RASA1: variants seen among roughly 807,000 people sequenced by gnomAD.
The protein encoded by RASA1 is RAS p21 protein activator 1.
A neutral mutation model predicts 132.2 loss-of-function variants in RASA1; 25 were observed. That is an observed-to-expected ratio of 0.19 (90% CI 0.14 to 0.26). RASA1 has a LOEUF of 0.26. Ranked by LOEUF, RASA1 falls within the 10% of genes least tolerant of loss-of-function variation. The pLI is 1.00. For synonymous variants in RASA1, 477 were observed against 449.9 expected (o/e 1.06, Z -0.76); for missense variants, 964 against 1,299.2 (o/e 0.74, Z 3.97).
intron 1 of RASA1, among the ~76,000 whole-genome samples, chr5:87,271,613 C>G: frequency 6.6e-6 from 1 of 151,076 alleles, no homozygotes; most frequent in East Asian, 2.0e-4. Flanking sequence ...CTCCTGAGTA[C>G]CTAGGATTAC....
intron 5 of RASA1, among the ~76,000 whole-genome samples, chr5:87,340,839 T>C (rs1758379198): frequency 6.6e-6 from 1 of 152,160 alleles, no homozygotes; most frequent in Non-Finnish European, 1.5e-5. Context: ...TAGGAAGTTA[T>C]GTGTGACCAT....
chr5:87,269,031 C>T (rs1348783248), intron 1 of RASA1, 41 bp downstream of exon 1: 1 of 1,614,156 alleles, frequency 6.2e-7, no homozygotes, highest in Non-Finnish European at 8.5e-7. Flanking sequence ...GAAGCTGGCT[C>T]CAGAAAAGAA....
At chr5:87,377,606 G>A (rs182135256) in intron 17 of RASA1, among the ~76,000 whole-genome samples, 12 of 152,168 alleles carry the variant, frequency 7.9e-5, no homozygotes, top group African/African-American at 1.4e-4. Flanking sequence ...CCAAAGTGCC[G>A]GGGTTACAGG....
intron 1 of RASA1, among the ~76,000 whole-genome samples, chr5:87,273,683 C>CT (rs756010419): frequency 1.3e-4 from 20 of 150,050 alleles, no homozygotes; most frequent in Admixed American, 6.0e-4. Flanking sequence ...ATAGAGATTT[C>CT]TTTTCTTTTT....
intron 12 of RASA1, 37 bp from the exon 13 acceptor site, chr5:87,372,080 TA>T: frequency 1.3e-6 from 2 of 1,554,630 alleles, no homozygotes; most frequent in South Asian, 2.3e-5. Flanking sequence ...CCAAATAAAC[TA>T]GTGTATATTT....
chr5:87,308,504 A>G (rs1428132963), intron 1 of RASA1, among the ~76,000 whole-genome samples: 1 of 152,124 alleles, frequency 6.6e-6, no homozygotes, highest in Non-Finnish European at 1.5e-5. Flanking sequence ...GACAAGTATT[A>G]TAACTATTAT....
intron 1 of RASA1, among the ~76,000 whole-genome samples, chr5:87,273,387 CAG>C (rs1464957038): frequency 6.6e-6 from 1 of 152,108 alleles, no homozygotes; most frequent in Non-Finnish European, 1.5e-5. Flanking sequence ...AAACTGTTAA[CAG>C]ATTTCTTTTT....
intron 9 of RASA1, among the ~76,000 whole-genome samples, chr5:87,353,969 G>C (rs1365711088): frequency 6.6e-6 from 1 of 152,166 alleles, no homozygotes. Context: ...ATTTTCCTAA[G>C]TGGAAAATGG....
At chr5:87,340,004 ACT>A (rs1401028803) in intron 5 of RASA1, among the ~76,000 whole-genome samples, 2 of 152,078 alleles carry the variant, frequency 1.3e-5, no homozygotes, top group Non-Finnish European at 2.9e-5. Flanking sequence ...TCATGTATTA[ACT>A]CTAGAATGTA....
intron 9 of RASA1, among the ~76,000 whole-genome samples, chr5:87,354,011 A>C (rs144599477): frequency 4.5e-4 from 69 of 152,234 alleles, no homozygotes; most frequent in African/African-American, 1.6e-3. Flanking sequence ...ATAAAGGATT[A>C]TTAAGGGTTT....
chr5:87,390,790 C>G lies in RASA1; in HGVS notation c.3061-10C>G. ...TTCATTTATTTTCATACCATTTTTC[C>G]TCTGTCTAGCACGTATTGAAAAAGC... is the stretch of plus-strand genomic sequence containing the variant. On this transcript the variant is annotated splice_polypyrimidine_tract_variant and intron_variant, in intron 24 of 24. Transcript: ENST00000274376. 1 of 1,604,336 alleles carries G rather than the reference C, an allele frequency of 6.2e-7. No homozygotes were observed. Among genetic ancestry groups the G allele is most frequent in the South Asian group, 1.1e-5 (1 of 90,842 alleles).
At position 87,287,393 on chromosome 5, in the gene RASA1, T is replaced by TAC. The variant is rs979946325; in HGVS notation, c.539+18404_539+18405dup. Among the ~76,000 whole-genome samples, 4 of 144,576 alleles carry TAC rather than the reference T, an allele frequency of 2.8e-5. No homozygotes were observed. The East Asian group carries it at 8.2e-4, about 30-fold the overall frequency. The allele number at this position is 144,576 out of a possible 152,430, so 94.8% of individuals were successfully genotyped here. On this transcript the variant is annotated intron_variant, in intron 1 of 24. Coordinates refer to ENST00000274376, the MANE Select transcript of RASA1 (RefSeq NM_002890.3). The stretch of plus-strand genomic sequence containing the variant: ...ACCATATATACACACACCATATATA[T>TAC]ACCATATATACACACCATATATACA...
At chr5:87,331,735 G>C (rs1419841302) in intron 2 of RASA1, among the ~76,000 whole-genome samples, 1 of 152,102 alleles carries the variant, frequency 6.6e-6, no homozygotes, top group Non-Finnish European at 1.5e-5. Flanking sequence ...TATATTTATA[G>C]TTTTTAAAGT....
At chr5:87,294,275 G>C (rs1244564808) in intron 1 of RASA1, 4 of 152,204 alleles carry the variant, frequency 2.6e-5, no homozygotes, top group Non-Finnish European at 5.9e-5. Flanking sequence ...GTTTTGACCT[G>C]CTCTGTTTCC....
chr5:87,296,682 G>A (rs1431932328), intron 1 of RASA1, among the ~76,000 whole-genome samples: 2 of 151,972 alleles, frequency 1.3e-5, no homozygotes, highest in African/African-American at 2.4e-5. Flanking sequence ...TCTTCTGTAG[G>A]CAAGGTGTTT....
At chr5:87,333,227 A>C in intron 3 of RASA1, 40 bp from the exon 4 acceptor site, 1 of 1,606,316 alleles carries the variant, frequency 6.2e-7, no homozygotes, top group Non-Finnish European at 8.5e-7. Flanking sequence ...TAAGATAAAA[A>C]GACTATCTTT....
Position 87,374,970 on chromosome 5 carries a change from C to G in RASA1, c.2011+54C>G, listed in dbSNP as rs569701230. 725 of 1,543,308 alleles carry G rather than the reference C, an allele frequency of 4.7e-4. 1 individual carries two copies. The highest frequency in any genetic ancestry group is 5.9e-4 in the Non-Finnish European group (681 of 1,150,134). On this transcript the variant is annotated intron_variant, in intron 15 of 24. Coordinates refer to ENST00000274376, the MANE Select transcript of RASA1 (RefSeq NM_002890.3). Reference sequence around the variant, plus strand: ...AGAAAAAGCATGTTTTATATACTTTCAAAATTCACAATGAAAGTCTTAAAA... The same window carrying G: ...AGAAAAAGCATGTTTTATATACTTTGAAAATTCACAATGAAAGTCTTAAAA...
intron 1 of RASA1, among the ~76,000 whole-genome samples, chr5:87,319,805 C>T (rs1312389064): frequency 1.3e-5 from 2 of 152,210 alleles, no homozygotes; most frequent in Non-Finnish European, 2.9e-5. Context: ...CTACCACTGG[C>T]TTGAATTTCT....
At chr5:87,270,646 CTTTTTTTTTTTTTTTTTTTTT>C (rs70996415) in intron 1 of RASA1, among the ~76,000 whole-genome samples, 43 of 71,782 alleles carry the variant, frequency 6.0e-4, no homozygotes, top group Admixed American at 1.7e-3. Flanking sequence ...GGTGCCCGGC[CTTTTTTTTTTTTTTTTTTTTT>C]TTTTTTTTTT....
Sources: gnomAD v4.1 joint callset for allele counts (sites outside exome capture counted in the v4.1 genomes callset) on GRCh38, gnomAD v4.1.1 for gene constraint, MANE v1.5 for transcripts, NCBI Gene and HGNC (gene_info 2026-07-23, HGNC 2026-07-21) for gene names.